Variants in SLC4A4 observed in about 807,000 individuals in gnomAD.
SLC4A4 encodes solute carrier family 4 member 4.
A neutral mutation model predicts 111.5 loss-of-function variants in SLC4A4; 27 were observed. The observed-to-expected ratio is 0.24, with a 90% confidence interval of 0.18 to 0.33. SLC4A4 has a LOEUF of 0.33. Among genes scored for constraint, SLC4A4 ranks in the 10% least tolerant of loss-of-function variants. The pLI is 1.00. For synonymous variants in SLC4A4, 443 were observed against 463.4 expected (o/e 0.96, Z 0.57); for missense variants, 909 against 1,315.5 (o/e 0.69, Z 4.78).
intron 2 of SLC4A4, among the ~76,000 whole-genome samples, chr4:71,168,268 G>A (rs527632964): frequency 2.4e-4 from 33 of 140,066 alleles, no homozygotes; most frequent in African/African-American, 7.9e-4. Context: ...CGTAACCTCC[G>A]CGTCCTGGGT....
intron 16 of SLC4A4, among the ~76,000 whole-genome samples, chr4:71,520,975 G>A (rs1009607765): frequency 6.6e-6 from 1 of 152,078 alleles, no homozygotes; most frequent in Admixed American, 6.6e-5. Flanking sequence ...TCCCAACTCA[G>A]CCTTCCAAAG....
At chr4:71,518,085 A>G (rs2167917) in intron 16 of SLC4A4, among the ~76,000 whole-genome samples, 24,427 of 152,016 alleles carry the variant, frequency 0.16, 3,845 homozygotes, top group East Asian at 0.43. Context: ...CTCCATGGGT[A>G]CCAGCCTAGA....
intron 1 of SLC4A4, among the ~76,000 whole-genome samples, chr4:71,189,575 C>G (rs1035864224): frequency 2.6e-5 from 4 of 152,128 alleles, no homozygotes; most frequent in African/African-American, 9.7e-5. Flanking sequence ...ATCCCTTGTT[C>G]CGATAACAAG....
At chr4:71,068,448 C>T (rs74431207) in intron 1 of SLC4A4, among the ~76,000 whole-genome samples, 4,146 of 152,130 alleles carry the variant, frequency 0.027, 83 homozygotes, top group Middle Eastern at 0.058. Context: ...TTTTTGGTAC[C>T]GTCAGACTCT....
At chr4:71,527,870 T>C (rs1733562049) in intron 16 of SLC4A4, among the ~76,000 whole-genome samples, 1 of 152,056 alleles carries the variant, frequency 6.6e-6, no homozygotes, top group African/African-American at 2.4e-5. Context: ...TAAATGGCAT[T>C]TTAAAGCATG....
At chr4:71,273,782 T>C (rs1205728593) in intron 3 of SLC4A4, among the ~76,000 whole-genome samples, 2 of 151,986 alleles carry the variant, frequency 1.3e-5, no homozygotes, top group Non-Finnish European at 2.9e-5. Flanking sequence ...AAGCGTTGCA[T>C]GCTGGAATCA....
chr4:71,496,936 A>G (rs1200156973), intron 15 of SLC4A4, among the ~76,000 whole-genome samples: 1 of 152,134 alleles, frequency 6.6e-6, no homozygotes, highest in Non-Finnish European at 1.5e-5. Flanking sequence ...ATGCAATTGA[A>G]AAAGCAGGGA....
chr4:71,551,817 C>T (rs1736017621), intron 20 of SLC4A4, among the ~76,000 whole-genome samples: 1 of 151,930 alleles, frequency 6.6e-6, no homozygotes, highest in African/African-American at 2.4e-5. Flanking sequence ...ATTCCAGTTT[C>T]TTCAATGACT....
intron 2 of SLC4A4, among the ~76,000 whole-genome samples, chr4:71,123,767 A>T (rs1292656951): frequency 3.3e-5 from 5 of 152,152 alleles, no homozygotes; most frequent in Admixed American, 3.3e-4. Flanking sequence ...GAGGACTTTT[A>T]TTTTTTTGCG....
chr4:71,370,830 A>G (rs1318562136), intron 6 of SLC4A4, among the ~76,000 whole-genome samples: 2 of 152,372 alleles, frequency 1.3e-5, no homozygotes, highest in Middle Eastern at 3.4e-3. Context: ...GAAATTGACC[A>G]AAGTGTTCAG....
chr4:71,412,236 C>T (rs1024571961), intron 7 of SLC4A4, among the ~76,000 whole-genome samples: 2 of 152,306 alleles, frequency 1.3e-5, no homozygotes, highest in South Asian at 2.1e-4. Context: ...TTATGACTTT[C>T]AGCAGATTTA....
chr4:71,378,149 T>TG (rs1183984424), intron 6 of SLC4A4, among the ~76,000 whole-genome samples: 4 of 152,134 alleles, frequency 2.6e-5, no homozygotes, highest in African/African-American at 9.7e-5. Flanking sequence ...AGTTGAGATT[T>TG]GGGTGGGGAC....
intron 3 of SLC4A4, among the ~76,000 whole-genome samples, chr4:71,278,683 T>C (rs750126039): frequency 1.7e-4 from 26 of 152,238 alleles, no homozygotes; most frequent in Non-Finnish European, 2.8e-4. Flanking sequence ...TGCATTTCCC[T>C]GATGATTAGT....
intron 1 of SLC4A4, among the ~76,000 whole-genome samples, chr4:71,206,310 G>A (rs1410311201): frequency 1.3e-5 from 2 of 152,258 alleles, no homozygotes; most frequent in East Asian, 3.9e-4. Flanking sequence ...GGTCTTTGAG[G>A]TGTGAGTGTT....
At chr4:71,440,834 G>T in intron 8 of SLC4A4, 61 bp downstream of exon 8, 1 of 1,562,972 alleles carries the variant, frequency 6.4e-7, no homozygotes, top group Non-Finnish European at 8.8e-7. Context: ...CTCCCATTCA[G>T]GCTGGAGAAT....
chr4:71,300,594 C>A, intron 3 of SLC4A4: 1 of 277,094 alleles, frequency 3.6e-6, no homozygotes. Flanking sequence ...GTGCCAGGGG[C>A]AGCTGCCGTC....
intron 17 of SLC4A4, among the ~76,000 whole-genome samples, chr4:71,533,460 G>C (rs567600601): frequency 6.6e-6 from 1 of 152,022 alleles, no homozygotes; most frequent in Non-Finnish European, 1.5e-5. Flanking sequence ...AATTCACAGT[G>C]TTCTATTTTA....
intron 1 of SLC4A4, chr4:71,233,402 G>A (rs958803728): frequency 5.3e-5 from 32 of 600,236 alleles, no homozygotes; most frequent in African/African-American, 2.8e-4. Context: ...TCAGCCACTC[G>A]GTAGCAGTAC....
chr4:71,367,555 C>T (rs1731444600), intron 6 of SLC4A4, among the ~76,000 whole-genome samples: 1 of 152,116 alleles, frequency 6.6e-6, no homozygotes. Context: ...CAAAACTTGG[C>T]CAGTATGATA....
Sources: gnomAD v4.1 joint callset for allele counts (sites outside exome capture counted in the v4.1 genomes callset) on GRCh38, gnomAD v4.1.1 for gene constraint, MANE v1.5 for transcripts, NCBI Gene and HGNC (gene_info 2026-07-23, HGNC 2026-07-21) for gene names.